The following SGIP1 variants were observed in gnomAD, a reference collection of about 807,000 sequenced individuals.
SGIP1 encodes SH3GL interacting endocytic adaptor 1.
In SGIP1, 38 loss-of-function variants were observed where a neutral mutation model predicts 107.5. That is an observed-to-expected ratio of 0.35 (90% CI 0.27 to 0.46). The LOEUF (loss-of-function observed/expected upper bound fraction) is 0.46, where lower values mean the gene tolerates loss of function less well. Ranked by LOEUF, SGIP1 falls within the 20% of genes least tolerant of loss-of-function variation. The pLI is 1.00. For synonymous variants in SGIP1, 365 were observed against 366.1 expected, an observed-to-expected ratio of 1.00 and a Z score of 0.03; for missense variants, 929 against 1,019.5, an observed-to-expected ratio of 0.91 and a Z score of 1.21.
chr1:66,645,567 C>A (rs545860204), intron 7 of SGIP1, among the ~76,000 whole-genome samples: 62 of 152,262 alleles, frequency 4.1e-4, no homozygotes, highest in African/African-American at 1.3e-3. Flanking sequence ...GACCAAGGGA[C>A]CCTCAGCTCC....
At chr1:66,570,659 G>T (rs553709296) in intron 1 of SGIP1, among the ~76,000 whole-genome samples, 1 of 151,950 alleles carries the variant, frequency 6.6e-6, no homozygotes, top group African/African-American at 2.4e-5. Flanking sequence ...TGTATACCAA[G>T]CACTGTGCTA....
At chr1:66,665,724 A>G (rs2082391062) in intron 8 of SGIP1, 1 of 152,236 alleles carries the variant, frequency 6.6e-6, no homozygotes. Flanking sequence ...ATGACCAGTG[A>G]TGATGAACAT....
intron 1 of SGIP1, among the ~76,000 whole-genome samples, chr1:66,548,027 G>T (rs2148195417): frequency 6.6e-6 from 1 of 152,220 alleles, no homozygotes; most frequent in South Asian, 2.1e-4. Flanking sequence ...GGGAACAGAG[G>T]CAGGAGAGAA....
At chr1:66,603,946 A>T (rs2066341815) in intron 1 of SGIP1, among the ~76,000 whole-genome samples, 1 of 152,198 alleles carries the variant, frequency 6.6e-6, no homozygotes, top group South Asian at 2.1e-4. Context: ...ATCGGAAAAG[A>T]GTCCAGAGGA....
In SGIP1 at chr1:66,725,856, T is replaced by C. The variant is rs530711247; in HGVS notation, c.1743-3408T>C. 3.3e-5 allele frequency among the ~76,000 whole-genome samples: 5 copies of C among 152,230 alleles called. No homozygotes were observed. The East Asian group carries it at 9.6e-4, about 29-fold the overall frequency. On this transcript the variant is annotated intron_variant, in intron 19 of 24. Coordinates refer to ENST00000371037, the MANE Select transcript of SGIP1 (RefSeq NM_032291.4). ...TCTACTACAAAACTGGCCGAGGGAA[T>C]TGCCAGGGGAAGCTAAGGTTGATGG... is the stretch of plus-strand genomic sequence containing the variant.
At chr1:66,694,344 C>T in intron 17 of SGIP1, 1 of 1,003,666 alleles carries the variant, frequency 1.0e-6, no homozygotes, top group Non-Finnish European at 1.5e-6. Context: ...AAAATCATTC[C>T]TGTGTTTCAA....
intron 21 of SGIP1, among the ~76,000 whole-genome samples, chr1:66,734,910 A>G (rs1186282950): frequency 6.6e-6 from 1 of 152,224 alleles, no homozygotes; most frequent in Non-Finnish European, 1.5e-5. Flanking sequence ...ACGTTATGGA[A>G]TGACTAAACT....
intron 3 of SGIP1, among the ~76,000 whole-genome samples, chr1:66,635,508 T>G (rs764815603): frequency 2.6e-5 from 4 of 152,240 alleles, no homozygotes; most frequent in Non-Finnish European, 4.4e-5. Flanking sequence ...CAGCTGTGTG[T>G]GCTGTATGTA....
At chr1:66,557,945 G>C (rs2058420703) in intron 1 of SGIP1, among the ~76,000 whole-genome samples, 1 of 152,090 alleles carries the variant, frequency 6.6e-6, no homozygotes. Flanking sequence ...TGGTAGGCCT[G>C]TTTGCATGTC....
intron 1 of SGIP1, among the ~76,000 whole-genome samples, chr1:66,538,624 T>G (rs1242313805): frequency 6.6e-6 from 1 of 152,212 alleles, no homozygotes; most frequent in Admixed American, 6.5e-5. Context: ...ACAATTTTTA[T>G]GTTCCTGAAA....
At chr1:66,556,166 C>T (rs555835550) in intron 1 of SGIP1, among the ~76,000 whole-genome samples, 1 of 152,094 alleles carries the variant, frequency 6.6e-6, no homozygotes, top group Non-Finnish European at 1.5e-5. Flanking sequence ...GAATGGACAG[C>T]TCTTTAGATT....
At chr1:66,629,242 A>G (rs2073686203) in intron 2 of SGIP1, among the ~76,000 whole-genome samples, 1 of 152,168 alleles carries the variant, frequency 6.6e-6, no homozygotes, top group Non-Finnish European at 1.5e-5. Context: ...TAAGATATAC[A>G]GTGGGGTTAG....
chr1:66,642,859 C>G lies in SGIP1; in HGVS notation c.278C>G (p.Pro93Arg), dbSNP rs1209129238. The change falls in exon 6 of 25, where the codon CCC becomes CGC. Residue 93 changes from proline to arginine, a missense_variant. Around this residue, in one of 2 missense-constraint regions of SGIP1, gnomAD observed 588 missense variants for 588.6 expected, o/e 1.00. Coordinates refer to ENST00000371037, the MANE Select transcript of SGIP1 (RefSeq NM_032291.4). Reference sequence around the variant, plus strand: ...GGCTACAGCATCAGACCCGAGGAACCCGGCTATATCCTTTCTTTATTTTTT... The same window carrying G: ...GGCTACAGCATCAGACCCGAGGAACGCGGCTATATCCTTTCTTTATTTTTT... ...EEGYSIRPEE[P>R]GSTKGKHFYS... 6.2e-7 allele frequency: 1 copy of G among 1,610,508 alleles called. No homozygotes were observed. Among genetic ancestry groups the G allele is most frequent in the Admixed American group, 1.7e-5 (1 of 59,626 alleles).
At chr1:66,739,808 C>T (rs939120426) in intron 22 of SGIP1, among the ~76,000 whole-genome samples, 4 of 152,174 alleles carry the variant, frequency 2.6e-5, no homozygotes, top group Non-Finnish European at 5.9e-5. Context: ...GCCACAATCC[C>T]GGGAAGGAGA....
At chr1:66,684,269 C>A in intron 15 of SGIP1, 2 of 1,537,504 alleles carry the variant, frequency 1.3e-6, no homozygotes, top group South Asian at 1.2e-5. Context: ...ATATTCCAAA[C>A]TTATTTGACT....
chr1:66,689,166 G>A lies in SGIP1; in HGVS notation c.1334G>A (p.Arg445Gln), dbSNP rs542858072. 31 of 1,612,672 alleles carry A rather than the reference G, an allele frequency of 1.9e-5. No individual in the cohort carries two copies. The highest frequency in any genetic ancestry group is 1.8e-4 in the East Asian group (8 of 44,802). Reference protein sequence around the residue: ...GTTSGASSPARPATPLVPCRS... With the variant: ...GTTSGASSPAQPATPLVPCRS... Reference sequence around the variant, plus strand: ...TTTTCAGGTGCATCATCCCCTGCTCGACCAGCCACTCCTTTGGTTCCTTGC... The same window carrying A: ...TTTTCAGGTGCATCATCCCCTGCTCAACCAGCCACTCCTTTGGTTCCTTGC... The change falls in exon 16 of 25, where the codon CGA (arginine) becomes CAA (glutamine). Residue 445 changes from arginine to glutamine, a missense_variant. Physicochemically the swap from Arg to Gln is conservative, Grantham distance 43. Transcript: ENST00000371037.
intron 19 of SGIP1, among the ~76,000 whole-genome samples, chr1:66,726,487 A>T (rs1056249700): frequency 6.6e-6 from 1 of 152,248 alleles, no homozygotes; most frequent in Non-Finnish European, 1.5e-5. Flanking sequence ...GAACTATCAT[A>T]AAGCTACTGT....
At chr1:66,609,594 T>G (rs1016416012) in intron 1 of SGIP1, among the ~76,000 whole-genome samples, 8 of 152,192 alleles carry the variant, frequency 5.3e-5, no homozygotes, top group Non-Finnish European at 2.9e-5. Flanking sequence ...ACAGATTGAA[T>G]TCTGCGAAAT....
At chr1:66,560,946 G>A (rs1049655336) in intron 1 of SGIP1, among the ~76,000 whole-genome samples, 9 of 152,064 alleles carry the variant, frequency 5.9e-5, no homozygotes, top group Admixed American at 3.3e-4. Context: ...GAGTAAGCCC[G>A]TTGTAAGTGT....
Sources: allele counts gnomAD v4.1 joint callset (sites outside exome capture counted in the v4.1 genomes callset), GRCh38; gene constraint gnomAD v4.1.1; regional missense constraint gnomAD v4.1.1; transcripts MANE v1.5; gene names NCBI Gene and HGNC (gene_info 2026-07-23, HGNC 2026-07-21).